The following LRRC4C variants were observed in gnomAD, a reference collection of about 807,000 sequenced individuals.
LRRC4C encodes leucine-rich repeat-containing protein 4C.
In LRRC4C, 5 loss-of-function variants were observed where a neutral mutation model predicts 33.6. The observed-to-expected ratio is 0.15, with a 90% CI of 0.08 to 0.31. The LOEUF is 0.31. Among genes scored for constraint, LRRC4C ranks in the 10% least tolerant of loss-of-function variants. The pLI, the probability that LRRC4C is intolerant of heterozygous loss-of-function variation, is 1.00. For missense variants in LRRC4C, 560 were observed against 796.7 expected (o/e 0.70, Z 3.58); for synonymous variants, 329 against 302.0 (o/e 1.09, Z -0.93).
chr11:41,240,022 G>T (rs1948187256), intron 1 of LRRC4C, among the ~76,000 whole-genome samples: 1 of 152,106 alleles, frequency 6.6e-6, no homozygotes, highest in African/African-American at 2.4e-5. Context: ...TATGAAAAAT[G>T]AGCACTCTTT....
rs558865131 is a variant in LRRC4C at position 40,597,707 on chromosome 11, G to A, written c.-270+50435C>T. 3.9e-5 allele frequency among the ~76,000 whole-genome samples: 6 copies of A among 152,296 alleles called. No homozygotes were observed. The South Asian group carries it at 8.3e-4, about 21-fold the overall frequency. ...ATACTACAAAGAGGGAGGCAAGCTA[G>A]TAAAGAGGGCTTAAGGAACGCTGAG... On this transcript the variant is annotated intron_variant, in intron 3 of 6. Transcript: ENST00000528697.
chr11:41,063,235 T>G (rs1937928838), intron 1 of LRRC4C, among the ~76,000 whole-genome samples: 1 of 152,216 alleles, frequency 6.6e-6, no homozygotes, highest in African/African-American at 2.4e-5. Context: ...ATACCTTTAT[T>G]ATTTATTAAG....
chr11:40,527,143 CAGAT>C (rs1204216520), intron 3 of LRRC4C, among the ~76,000 whole-genome samples: 1 of 152,070 alleles, frequency 6.6e-6, no homozygotes, highest in African/African-American at 2.4e-5. Context: ...CAAAAGTAGA[CAGAT>C]AGGACATTTC....
At chr11:40,977,190 C>T (rs950252585) in intron 1 of LRRC4C, among the ~76,000 whole-genome samples, 16 of 151,998 alleles carry the variant, frequency 1.1e-4, no homozygotes, top group South Asian at 6.2e-4. Context: ...GTAATGGGAT[C>T]GATAGACTGT....
chr11:41,095,194 GGA>G (rs74361855), intron 1 of LRRC4C, among the ~76,000 whole-genome samples: 10,433 of 151,886 alleles, frequency 0.069, 411 homozygotes, highest in Non-Finnish European at 0.095. Flanking sequence ...CATGGAGGCT[GGA>G]GAGAGAGAGA....
intron 2 of LRRC4C, among the ~76,000 whole-genome samples, chr11:40,754,551 A>G (rs1462030711): frequency 1.3e-5 from 2 of 152,092 alleles, no homozygotes; most frequent in African/African-American, 4.8e-5. Flanking sequence ...TCAGCCAGGT[A>G]GCTTCCATAA....
intron 1 of LRRC4C, among the ~76,000 whole-genome samples, chr11:41,133,561 G>C (rs1943118586): frequency 7.1e-6 from 1 of 140,238 alleles, no homozygotes; most frequent in South Asian, 2.2e-4. Flanking sequence ...TGAGTTTTCA[G>C]TCATAATGGG....
At chr11:41,006,772 C>G (rs1854783853) in intron 1 of LRRC4C, among the ~76,000 whole-genome samples, 1 of 152,058 alleles carries the variant, frequency 6.6e-6, no homozygotes, top group South Asian at 2.1e-4. Context: ...ACTGGAAATT[C>G]TTTGTATTTT....
intron 3 of LRRC4C, among the ~76,000 whole-genome samples, chr11:40,587,955 T>G (rs1958839490): frequency 6.6e-6 from 1 of 152,204 alleles, no homozygotes; most frequent in Non-Finnish European, 1.5e-5. Context: ...GTTGTGTCTC[T>G]GCCCGGCTTT....
At chr11:40,650,706 A>T (rs1942742484) in intron 2 of LRRC4C, among the ~76,000 whole-genome samples, 1 of 152,194 alleles carries the variant, frequency 6.6e-6, no homozygotes, top group African/African-American at 2.4e-5. Flanking sequence ...TCTTTTAACT[A>T]AGTTTAACAA....
At chr11:41,327,925 T>G (rs1337898150) in intron 1 of LRRC4C, among the ~76,000 whole-genome samples, 1 of 152,198 alleles carries the variant, frequency 6.6e-6, no homozygotes, top group African/African-American at 2.4e-5. Flanking sequence ...TCTTTTCCTT[T>G]ATAAATTACC....
chr11:40,125,767 G>T (rs1856176426), intron 6 of LRRC4C, among the ~76,000 whole-genome samples: 1 of 152,064 alleles, frequency 6.6e-6, no homozygotes, highest in African/African-American at 2.4e-5. Context: ...GGACATCTCT[G>T]GGTTTTAAAG....
intron 2 of LRRC4C, among the ~76,000 whole-genome samples, chr11:40,820,861 A>C (rs1444855924): frequency 6.6e-6 from 1 of 151,790 alleles, no homozygotes; most frequent in Non-Finnish European, 1.5e-5. Flanking sequence ...ATTATAGAGG[A>C]AGAAGTAAAA....
intron 1 of LRRC4C, among the ~76,000 whole-genome samples, chr11:40,952,601 G>A (rs1958745148): frequency 6.6e-6 from 1 of 151,826 alleles, no homozygotes. Context: ...TTGATACAAA[G>A]CCCACTGGAT....
intron 1 of LRRC4C, among the ~76,000 whole-genome samples, chr11:41,248,827 C>A (rs1410151919): frequency 1.3e-5 from 2 of 152,178 alleles, no homozygotes; most frequent in Non-Finnish European, 1.5e-5. Flanking sequence ...TATATCTACT[C>A]TCTCCGAATC....
At chr11:40,593,600 C>A (rs1959156333) in intron 3 of LRRC4C, among the ~76,000 whole-genome samples, 1 of 152,128 alleles carries the variant, frequency 6.6e-6, no homozygotes, top group Non-Finnish European at 1.5e-5. Flanking sequence ...CATTTCAGTT[C>A]TTGCATTCAG....
intron 1 of LRRC4C, among the ~76,000 whole-genome samples, chr11:41,006,052 A>AT (rs777162700): frequency 5.3e-5 from 8 of 152,168 alleles, no homozygotes; most frequent in Middle Eastern, 3.4e-3. Context: ...TAGCCAGAAA[A>AT]TTTTGAAAAA....
At chr11:40,591,104 A>C (rs1959032911) in intron 3 of LRRC4C, among the ~76,000 whole-genome samples, 1 of 152,068 alleles carries the variant, frequency 6.6e-6, no homozygotes, top group Admixed American at 6.5e-5. Flanking sequence ...GTTTGATCTC[A>C]GGCTGCTGTG....
rs528787062 is a variant in LRRC4C at position 40,322,861 on chromosome 11, C to A, written c.-269-3140G>T. ...ATCCAGGTATTGTCAGCATCCTCAT[C>A]ATCATAATTTATTTCATGTGGGACT... is the stretch of plus-strand genomic sequence containing the variant. On this transcript the variant is annotated intron_variant, in intron 3 of 6. Transcript: ENST00000528697. Among the ~76,000 whole-genome samples the A allele has an allele frequency of 5.3e-5, 8 of 152,234 alleles. No homozygotes were observed. The South Asian group carries it at 1.7e-3, about 32-fold the overall frequency.
Sources: gnomAD v4.1 joint callset for allele counts (sites outside exome capture counted in the v4.1 genomes callset) on GRCh38, gnomAD v4.1.1 for gene constraint, MANE v1.5 for transcripts, NCBI Gene and HGNC (gene_info 2026-07-23, HGNC 2026-07-21) for gene names.